Variants in MED27 observed in about 807,000 individuals in gnomAD.
MED27 encodes mediator of RNA polymerase II transcription subunit 27.
MED27 carries 30 observed loss-of-function variants against 38.2 expected under a neutral mutation model. That is an observed-to-expected ratio of 0.79 (90% confidence interval 0.59 to 1.07). The LOEUF is 1.07. MED27 is among the 50% of genes least tolerant of loss of function. The pLI, the probability that MED27 is intolerant of heterozygous loss-of-function variation, is 0.00. For synonymous variants in MED27, 122 were observed against 153.5 expected, an observed-to-expected ratio of 0.79 and a Z score of 1.52; for missense variants, 289 against 397.5, an observed-to-expected ratio of 0.73 and a Z score of 2.32.
chr9:131,863,555 G>A (rs1013300835), intron 6 of MED27, among the ~76,000 whole-genome samples: 3 of 152,216 alleles, frequency 2.0e-5, no homozygotes, highest in Non-Finnish European at 2.9e-5. Flanking sequence ...TTCCTCCTGC[G>A]ATGGTTTTCC....
chr9:132,071,691 C>T (rs574797630), intron 2 of MED27, among the ~76,000 whole-genome samples: 4 of 151,564 alleles, frequency 2.6e-5, no homozygotes, highest in South Asian at 2.1e-4. Context: ...CACGTGTATA[C>T]GAGTAACACG....
chr9:132,005,121 A>C (rs1221049746), intron 3 of MED27, among the ~76,000 whole-genome samples: 1 of 152,232 alleles, frequency 6.6e-6, no homozygotes, highest in African/African-American at 2.4e-5. Flanking sequence ...ACAGGAGTAC[A>C]TAAAATAAAT....
chr9:132,016,360 G>C (rs1832602337), intron 2 of MED27, among the ~76,000 whole-genome samples: 1 of 152,178 alleles, frequency 6.6e-6, no homozygotes. Flanking sequence ...GAGCCTTACA[G>C]GTGCCCAATA....
At chr9:131,934,881 T>C (rs1482848505) in intron 4 of MED27, among the ~76,000 whole-genome samples, 2 of 152,106 alleles carry the variant, frequency 1.3e-5, no homozygotes, top group African/African-American at 4.8e-5. Context: ...TATTCAGCCA[T>C]AAAAAGTACA....
chr9:131,871,578 T>C (rs547975340), intron 6 of MED27, among the ~76,000 whole-genome samples: 1 of 152,226 alleles, frequency 6.6e-6, no homozygotes, highest in African/African-American at 2.4e-5. Context: ...AGGGGTGACC[T>C]TGTACTTGTC....
At chr9:131,919,206 G>C (rs1024652347) in intron 4 of MED27, among the ~76,000 whole-genome samples, 16 of 152,176 alleles carry the variant, frequency 1.1e-4, no homozygotes, top group Non-Finnish European at 2.1e-4. Context: ...GCCTCCAAAA[G>C]ATAAAAAGCC....
At chr9:132,074,511 A>T (rs1834005448) in intron 2 of MED27, among the ~76,000 whole-genome samples, 1 of 152,204 alleles carries the variant, frequency 6.6e-6, no homozygotes, top group Admixed American at 6.5e-5. Context: ...ACTTCACTTA[A>T]CCCATTAACG....
At position 131,997,022 on chromosome 9, in the gene MED27, G is replaced by A. The variant is rs1269980820; in HGVS notation, c.479+17315C>T. Among the ~76,000 whole-genome samples the A allele has an allele frequency of 6.6e-6, 1 of 152,178 alleles. No homozygotes were observed. Among genetic ancestry groups the A allele is most frequent in the East Asian group, 1.9e-4 (1 of 5,204 alleles). On this transcript the variant is annotated intron_variant, in intron 3 of 7. Coordinates refer to ENST00000292035, the MANE Select transcript of MED27 (RefSeq NM_004269.4). This position sits in a 1 kb window ranked among gnomAD's most constrained non-coding sequence, Gnocchi z 4.0. Reference sequence around the variant, plus strand: ...AAAGTCACGCACATTTTTGACTATGGTGGGGGATGGGTACCCCTAACGCTG... The same window carrying A: ...AAAGTCACGCACATTTTTGACTATGATGGGGGATGGGTACCCCTAACGCTG...
At chr9:132,022,480 T>A (rs1832737673) in intron 2 of MED27, among the ~76,000 whole-genome samples, 1 of 152,206 alleles carries the variant, frequency 6.6e-6, no homozygotes, top group Non-Finnish European at 1.5e-5. Context: ...GAATTATGTC[T>A]GAGGTCCTAA....
chr9:132,073,720 C>A (rs746020018), intron 2 of MED27: 1 of 1,515,132 alleles, frequency 6.6e-7, no homozygotes, highest in Non-Finnish European at 8.8e-7. Context: ...ATGGAATATT[C>A]TTGGAATAGA....
chr9:131,932,387 A>AG (rs1341551039), intron 4 of MED27, among the ~76,000 whole-genome samples: 1 of 151,552 alleles, frequency 6.6e-6, no homozygotes, highest in Non-Finnish European at 1.5e-5. Flanking sequence ...TTAGGGAAAA[A>AG]AAAAAAGAGA....
intron 2 of MED27, among the ~76,000 whole-genome samples, chr9:132,077,240 C>A (rs191987479): frequency 6.6e-6 from 1 of 152,306 alleles, no homozygotes; most frequent in Admixed American, 6.5e-5. Context: ...AACATGTAAT[C>A]ACCTGAACAT....
chr9:131,891,610 T>C (rs1589189442), intron 5 of MED27, among the ~76,000 whole-genome samples: 1 of 152,208 alleles, frequency 6.6e-6, no homozygotes, highest in East Asian at 1.9e-4. Flanking sequence ...TGTTTGACCA[T>C]GCATTGCTTT....
At chr9:131,887,477 C>T (rs918032071) in intron 5 of MED27, among the ~76,000 whole-genome samples, 3 of 152,076 alleles carry the variant, frequency 2.0e-5, no homozygotes, top group Non-Finnish European at 4.4e-5. Flanking sequence ...GCAGGTGGTT[C>T]GTACTTGATT....
intron 5 of MED27, among the ~76,000 whole-genome samples, chr9:131,891,222 T>C (rs899508105): frequency 6.6e-6 from 1 of 151,838 alleles, no homozygotes; most frequent in Non-Finnish European, 1.5e-5. Flanking sequence ...AACGTGCAAA[T>C]ACGTGAAAGA....
chr9:131,898,364 C>T (rs1199563056), intron 4 of MED27, among the ~76,000 whole-genome samples: 1 of 151,944 alleles, frequency 6.6e-6, no homozygotes, highest in African/African-American at 2.4e-5. Context: ...CCTCCTGTCA[C>T]CACACCCAGC....
At chr9:131,932,753 C>T (rs1830613754) in intron 4 of MED27, among the ~76,000 whole-genome samples, 1 of 152,130 alleles carries the variant, frequency 6.6e-6, no homozygotes, top group Non-Finnish European at 1.5e-5. Context: ...AGGAATACCT[C>T]CAAACTCAGT....
At chr9:132,038,223 G>A (rs1833125818) in intron 2 of MED27, among the ~76,000 whole-genome samples, 2 of 128,278 alleles carry the variant, frequency 1.6e-5, no homozygotes, top group South Asian at 2.4e-4. Context: ...ACGGAGTCTC[G>A]CTCTGTCGCC....
chr9:131,922,039 G>A (rs1830401471), intron 4 of MED27, among the ~76,000 whole-genome samples: 1 of 132,920 alleles, frequency 7.5e-6, no homozygotes, highest in Non-Finnish European at 1.6e-5. Flanking sequence ...GGGGGGAGGG[G>A]GAGGGATAGC....
Sources: allele counts gnomAD v4.1 joint callset (sites outside exome capture counted in the v4.1 genomes callset), GRCh38; gene constraint gnomAD v4.1.1; non-coding constraint Gnocchi (gnomAD v3.1); transcripts MANE v1.5; gene names NCBI Gene and HGNC (gene_info 2026-07-23, HGNC 2026-07-21).